GABRP: variants seen among roughly 807,000 people sequenced by gnomAD.
The protein encoded by GABRP is gamma-aminobutyric acid receptor subunit pi.
Under a neutral mutation model 47.8 loss-of-function variants are expected in GABRP, and 52 were observed. The ratio of observed to expected loss-of-function variants is 1.09; its 90% CI spans 0.87 to 1.37. GABRP has a LOEUF of 1.37. GABRP is among the 40% of genes most tolerant of loss of function. The pLI is 0.00. For synonymous variants in GABRP, 221 were observed against 205.8 expected, an observed-to-expected ratio of 1.07 and a Z score of -0.63; for missense variants, 525 against 542.8, an observed-to-expected ratio of 0.97 and a Z score of 0.33.
chr5:170,794,372 G>A (rs568872318), intron 4 of GABRP, 74 bp downstream of exon 4: 71 of 446,460 alleles, frequency 1.6e-4, no homozygotes, highest in South Asian at 1.4e-3. Flanking sequence ...CTTTCTAGCC[G>A]CTCAAAAAAA....
intron 6 of GABRP, among the ~76,000 whole-genome samples, chr5:170,802,191 G>A (rs1016248790): frequency 2.0e-5 from 3 of 152,174 alleles, no homozygotes; most frequent in African/African-American, 7.2e-5. Flanking sequence ...GAACTCCCTA[G>A]CATTGTTAAG....
Position 170,805,835 on chromosome 5 carries a change from A to G in GABRP, c.661A>G (p.Arg221Gly), listed in dbSNP as rs369751716. ...TIERYFTLVT[R>G]SQQETGNYTR... ...AGAGCGGTATTTCACCTTAGTCACC[A>G]GATCGCAGCAGGAGACAGGTAACTC... The change falls in exon 7 of 10, where the codon AGA becomes GGA. Residue 221 changes from arginine (R) to glycine (G), a missense_variant. Transcript: ENST00000265294. 1.2e-6 allele frequency: 2 copies of G among 1,614,166 alleles called. No individual in the cohort carries two copies. Among genetic ancestry groups the G allele is most frequent in the Non-Finnish European group, 1.7e-6 (2 of 1,180,000 alleles).
At chr5:170,788,402 T>G in intron 1 of GABRP, 172 bp from the exon 2 acceptor site, 1 of 487,620 alleles carries the variant, frequency 2.1e-6, no homozygotes. Flanking sequence ...AATGAAGTCA[T>G]TCCTGGAGGG....
chr5:170,809,546 CA>C, intron 8 of GABRP, 21 bp from the exon 9 acceptor site: 1 of 1,612,056 alleles, frequency 6.2e-7, no homozygotes, highest in South Asian at 1.1e-5. Flanking sequence ...TTTGTAGGAA[CA>C]TCCCCTGCCT....
intron 6 of GABRP, among the ~76,000 whole-genome samples, chr5:170,801,684 T>A (rs1765595588): frequency 6.6e-6 from 1 of 152,230 alleles, no homozygotes. Context: ...TTTAAATACA[T>A]TCAATTCATC....
chr5:170,792,237 G>T (rs1340737241), intron 3 of GABRP, among the ~76,000 whole-genome samples: 1 of 152,166 alleles, frequency 6.6e-6, no homozygotes, highest in Non-Finnish European at 1.5e-5. Flanking sequence ...GAGGTCAGGA[G>T]TTAGAGACCA....
In GABRP at chr5:170,805,646, C is replaced by A. The variant is rs555642752; in HGVS notation, c.542-70C>A. On this transcript the variant is annotated intron_variant, in intron 6 of 9. Transcript: ENST00000265294. The stretch of plus-strand genomic sequence containing the variant: ...AACTCATGCTGTCTCCATATTATAG[C>A]ATTTTCCAGACCAGACCAGTTCAAT... The A allele has an allele frequency of 6.1e-5, 94 of 1,539,386 alleles. No homozygotes were observed. In the South Asian group the frequency reaches 1.1e-3, roughly 17 times the overall value.
chr5:170,789,793 G>A (rs1765220407), intron 3 of GABRP, among the ~76,000 whole-genome samples: 3 of 152,086 alleles, frequency 2.0e-5, no homozygotes, highest in South Asian at 2.1e-4. Flanking sequence ...GCTCCCCAGT[G>A]TACTCAGAAT....
Position 170,788,596 on chromosome 5 carries a change from G to A in GABRP, c.-20G>A. ...CAGGTGATTCCTACTTCAGCCCCTT[G>A]GTGTGAGCAGCTTCTCAACATGAAC... On this transcript the variant is annotated 5_prime_UTR_variant, in exon 2 of 10. Transcript: ENST00000265294. 6.2e-7 allele frequency: 1 copy of A among 1,613,832 alleles called. No individual in the cohort carries two copies. The highest frequency in any genetic ancestry group is 8.5e-7 in the Non-Finnish European group (1 of 1,179,794).
At chr5:170,789,302 T>C in intron 3 of GABRP, 55 bp downstream of exon 3, 3 of 1,158,698 alleles carry the variant, frequency 2.6e-6, no homozygotes, top group Non-Finnish European at 3.8e-6. Context: ...ACAGAGACAA[T>C]AAGCAGTGGA....
intron 1 of GABRP, among the ~76,000 whole-genome samples, chr5:170,785,857 G>A (rs569674092): frequency 6.6e-6 from 1 of 152,340 alleles, no homozygotes; most frequent in East Asian, 1.9e-4. Flanking sequence ...GTGGGAGAGA[G>A]GCCGTGGGCA....
At chr5:170,798,812 T>A (rs1561811397) in intron 6 of GABRP, among the ~76,000 whole-genome samples, 1 of 152,174 alleles carries the variant, frequency 6.6e-6, no homozygotes, top group Non-Finnish European at 1.5e-5. Flanking sequence ...ATATTTTTAT[T>A]ATACTTTAAG....
At chr5:170,797,940 G>T (rs1765476227) in intron 6 of GABRP, among the ~76,000 whole-genome samples, 1 of 152,238 alleles carries the variant, frequency 6.6e-6, no homozygotes, top group Non-Finnish European at 1.5e-5. Flanking sequence ...ACCGTCTGTG[G>T]CTACTTCTGT....
At chr5:170,807,593 C>T (rs1765769598) in intron 7 of GABRP, among the ~76,000 whole-genome samples, 1 of 152,080 alleles carries the variant, frequency 6.6e-6, no homozygotes, top group Non-Finnish European at 1.5e-5. Context: ...GGCAAAAGAC[C>T]TGGTTTTTAT....
At position 170,813,766 on chromosome 5, in the gene GABRP, A is replaced by T. The variant is rs748711955; in HGVS notation, c.*1508A>T. ...TTCCCTTCTGTAACTCCCTAGAGCCACAGGTTCTCATTCCTTTTCCCATTA... is the reference window on the plus strand; with the variant it reads ...TTCCCTTCTGTAACTCCCTAGAGCCTCAGGTTCTCATTCCTTTTCCCATTA... On this transcript the variant is annotated 3_prime_UTR_variant, in exon 10 of 10. Transcript: ENST00000265294. The T allele has an allele frequency of 6.6e-6, 1 of 152,186 alleles. No individual in the cohort carries two copies. The highest frequency in any genetic ancestry group is 1.5e-5 in the Non-Finnish European group (1 of 68,014). 9.4% of individuals were successfully genotyped at this position (152,186 alleles called of 1,614,324 possible). A position where few individuals can be genotyped will look rare whatever the true frequency, so the allele number is the denominator to read the frequency against.
intron 2 of GABRP, among the ~76,000 whole-genome samples, 172 bp downstream of exon 2, chr5:170,788,840 A>C (rs1430662472): frequency 1.3e-5 from 2 of 152,206 alleles, no homozygotes; most frequent in Admixed American, 1.3e-4. Context: ...TTTACAGAAC[A>C]CAAGCTTCCA....
At chr5:170,809,492 A>C in intron 8 of GABRP, 76 bp from the exon 9 acceptor site, 1 of 1,454,840 alleles carries the variant, frequency 6.9e-7, no homozygotes, top group Non-Finnish European at 9.6e-7. Flanking sequence ...CAATTCTCAA[A>C]TGGGGACACT....
At chr5:170,807,434 C>T (rs911329408) in intron 7 of GABRP, among the ~76,000 whole-genome samples, 1 of 152,136 alleles carries the variant, frequency 6.6e-6, no homozygotes, top group African/African-American at 2.4e-5. Flanking sequence ...TCATGTAGCA[C>T]ATAACCACCC....
chr5:170,795,584 C>A (rs1765405332), intron 5 of GABRP, among the ~76,000 whole-genome samples, 159 bp downstream of exon 5: 1 of 152,140 alleles, frequency 6.6e-6, no homozygotes, highest in African/African-American at 2.4e-5. Flanking sequence ...TCTCTCAGTT[C>A]ATCATCTACC....
Sources: gnomAD v4.1 joint callset for allele counts (sites outside exome capture counted in the v4.1 genomes callset) on GRCh38, gnomAD v4.1.1 for gene constraint, MANE v1.5 for transcripts, NCBI Gene and HGNC (gene_info 2026-07-23, HGNC 2026-07-21) for gene names.